The following PRKAR2B variants were observed in gnomAD, a reference collection of about 807,000 sequenced individuals.
PRKAR2B encodes the protein cAMP-dependent protein kinase type II-beta regulatory subunit.
PRKAR2B carries 14 observed loss-of-function variants against 49.9 expected under a neutral mutation model. The ratio of observed to expected loss-of-function variants is 0.28; its 90% CI spans 0.19 to 0.44. The LOEUF (loss-of-function observed/expected upper bound fraction) is 0.44, where lower values mean the gene tolerates loss of function less well. Among genes scored for constraint, PRKAR2B ranks in the 20% least tolerant of loss-of-function variants. The pLI, the probability that PRKAR2B is intolerant of heterozygous loss-of-function variation, is 1.00. For synonymous variants in PRKAR2B, 196 were observed against 197.7 expected, an observed-to-expected ratio of 0.99 and a Z score of 0.07; for missense variants, 393 against 537.9, an observed-to-expected ratio of 0.73 and a Z score of 2.67.
intron 2 of PRKAR2B, among the ~76,000 whole-genome samples, chr7:107,090,486 A>G (rs1189663762): frequency 6.6e-6 from 1 of 152,162 alleles, no homozygotes; most frequent in Non-Finnish European, 1.5e-5. Context: ...AGAAACCCTG[A>G]CCTCACCTGG....
At chr7:107,113,318 A>C (rs1795208155) in intron 2 of PRKAR2B, among the ~76,000 whole-genome samples, 1 of 152,230 alleles carries the variant, frequency 6.6e-6, no homozygotes, top group East Asian at 1.9e-4. Context: ...CGTATTATCT[A>C]AACAATTAGA....
rs1386230442 is a variant in PRKAR2B at position 107,161,309 on chromosome 7, A to G, written c.*1727A>G. 6.6e-6 allele frequency: 1 copy of G among 152,538 alleles called. No individual in the cohort carries two copies. The allele number at this position is 152,538 out of a possible 1,614,324, so 9.4% of individuals were successfully genotyped here. On this transcript the variant is annotated 3_prime_UTR_variant, in exon 11 of 11. Transcript: ENST00000265717. ...CAAAAGAACTCCAGATTCCTGGTTC[A>G]TCATTCTGTATTCTTACTCACTTTT...
At position 107,046,771 on chromosome 7, in the gene PRKAR2B, A is replaced by G. The variant is rs1010187115; in HGVS notation, c.307+1557A>G. Among the ~76,000 whole-genome samples, 6 of 152,228 alleles carry G rather than the reference A, an allele frequency of 3.9e-5. 1 individual carries two copies. Among genetic ancestry groups the G allele is most frequent in the Admixed American group, 3.3e-4 (5 of 15,288 alleles). On this transcript the variant is annotated intron_variant, in intron 1 of 10. Transcript: ENST00000265717. ...ATGTTCGTGCACACACACAAAGGGGAAAAAAAGGACTCTTTTCCCAGGTTG... is the reference window on the plus strand; with the variant it reads ...ATGTTCGTGCACACACACAAAGGGGGAAAAAAGGACTCTTTTCCCAGGTTG...
At position 107,156,842 on chromosome 7, in the gene PRKAR2B, C is replaced by G. The variant is rs1796101405; in HGVS notation, c.919-142C>G. On this transcript the variant is annotated intron_variant, in intron 8 of 10. Transcript: ENST00000265717. ...AAACCTCTTGATTTAGAAACCGAGACAGCTTGTTCCCTTAGGATTTCACTT... is the reference window on the plus strand; with the variant it reads ...AAACCTCTTGATTTAGAAACCGAGAGAGCTTGTTCCCTTAGGATTTCACTT... 3 of 691,552 alleles carry G rather than the reference C, an allele frequency of 4.3e-6. No homozygotes were observed. In the South Asian group the frequency reaches 5.7e-5, roughly 13 times the overall value. The allele number at this position is 691,552 out of a possible 1,614,324, so 42.8% of individuals were successfully genotyped here.
intron 2 of PRKAR2B, among the ~76,000 whole-genome samples, chr7:107,101,284 G>T (rs373866311): frequency 2.0e-5 from 3 of 151,878 alleles, no homozygotes; most frequent in Admixed American, 1.3e-4. Context: ...CTGTATCTTC[G>T]TGATGCAGTG....
intron 2 of PRKAR2B, among the ~76,000 whole-genome samples, chr7:107,104,294 C>T (rs1485429092): frequency 6.6e-6 from 1 of 152,206 alleles, no homozygotes; most frequent in African/African-American, 2.4e-5. Context: ...CTCTGCCTCC[C>T]AAAGTGCTGG....
intron 2 of PRKAR2B, among the ~76,000 whole-genome samples, chr7:107,085,717 A>C (rs988008167): frequency 6.6e-6 from 1 of 152,046 alleles, no homozygotes; most frequent in Non-Finnish European, 1.5e-5. Context: ...ATTGTGTTCT[A>C]TTTTCCATGA....
intron 5 of PRKAR2B, among the ~76,000 whole-genome samples, chr7:107,145,560 C>A (rs1205688453): frequency 6.6e-6 from 1 of 151,930 alleles, no homozygotes; most frequent in Non-Finnish European, 1.5e-5. Flanking sequence ...ATAAATGTTT[C>A]TTCAGATGAT....
chr7:107,068,588 G>A (rs935926323), intron 1 of PRKAR2B: 1 of 152,076 alleles, frequency 6.6e-6, no homozygotes, highest in Non-Finnish European at 1.5e-5. Flanking sequence ...TATGACTAAA[G>A]TATTGTGGTA....
At chr7:107,049,639 A>G (rs992806015) in intron 1 of PRKAR2B, among the ~76,000 whole-genome samples, 17 of 152,254 alleles carry the variant, frequency 1.1e-4, no homozygotes, top group African/African-American at 3.6e-4. Context: ...CAGAATAGCA[A>G]TTTCATTGTG....
chr7:107,133,758 T>C (rs572744895), intron 4 of PRKAR2B: 2 of 152,228 alleles, frequency 1.3e-5, no homozygotes, highest in African/African-American at 4.8e-5. Context: ...TAAAATTATG[T>C]TCTCAGTTTA....
At chr7:107,061,502 A>G (rs1194483041) in intron 1 of PRKAR2B, among the ~76,000 whole-genome samples, 6 of 152,192 alleles carry the variant, frequency 3.9e-5, no homozygotes, top group South Asian at 4.1e-4. Flanking sequence ...TTTTAAAATT[A>G]TACATTTTAA....
chr7:107,086,062 T>G (rs147849416), intron 2 of PRKAR2B, among the ~76,000 whole-genome samples: 10 of 152,354 alleles, frequency 6.6e-5, no homozygotes, highest in Non-Finnish European at 1.3e-4. Flanking sequence ...TTTTGAAATG[T>G]CTGTTAATTT....
chr7:107,102,281 A>G (rs544344177), intron 2 of PRKAR2B, among the ~76,000 whole-genome samples: 5 of 152,358 alleles, frequency 3.3e-5, no homozygotes, highest in South Asian at 4.1e-4. Flanking sequence ...GCACCAAGAC[A>G]GTTTACAAAT....
intron 6 of PRKAR2B, among the ~76,000 whole-genome samples, chr7:107,149,805 A>C (rs1287662609): frequency 6.6e-6 from 1 of 152,194 alleles, no homozygotes; most frequent in African/African-American, 2.4e-5. Context: ...TTGGTAGCAC[A>C]ATAGGGTGAC....
At chr7:107,152,411 A>G (rs150534918) in intron 7 of PRKAR2B, among the ~76,000 whole-genome samples, 2,134 of 152,262 alleles carry the variant, frequency 0.014, 37 homozygotes, top group Non-Finnish European at 0.022. Context: ...ATGTCTTCCT[A>G]CACAGCTGCA....
chr7:107,126,872 G>A (rs2115600314), intron 3 of PRKAR2B, among the ~76,000 whole-genome samples: 1 of 152,278 alleles, frequency 6.6e-6, no homozygotes, highest in South Asian at 2.1e-4. Context: ...AATCTAGTTT[G>A]AGATGAATAT....
At chr7:107,062,282 T>C (rs1245922283) in intron 1 of PRKAR2B, among the ~76,000 whole-genome samples, 1 of 152,120 alleles carries the variant, frequency 6.6e-6, no homozygotes, top group African/African-American at 2.4e-5. Context: ...GACTGGAAGT[T>C]TTTTCAATGA....
chr7:107,100,241 C>G (rs1396661656), intron 2 of PRKAR2B, among the ~76,000 whole-genome samples: 1 of 152,120 alleles, frequency 6.6e-6, no homozygotes, highest in Non-Finnish European at 1.5e-5. Flanking sequence ...GTTCATTTCA[C>G]TGTCCTCATT....
Sources: gnomAD v4.1 joint callset for allele counts (sites outside exome capture counted in the v4.1 genomes callset) on GRCh38, gnomAD v4.1.1 for gene constraint, MANE v1.5 for transcripts, NCBI Gene and HGNC (gene_info 2026-07-23, HGNC 2026-07-21) for gene names.